HHAT: variants seen among roughly 807,000 people sequenced by gnomAD.
HHAT encodes the protein protein-cysteine N-palmitoyltransferase HHAT.
A neutral mutation model predicts 70.8 loss-of-function variants in HHAT; 47 were observed. The observed-to-expected ratio is 0.66, with a 90% confidence interval of 0.53 to 0.85. The LOEUF (loss-of-function observed/expected upper bound fraction) is 0.85, where lower values mean the gene tolerates loss of function less well. Among genes scored for constraint, HHAT ranks in the 40% least tolerant of loss-of-function variants. The pLI is 0.00. For missense variants in HHAT, 609 were observed against 604.8 expected (o/e 1.01, Z -0.07); for synonymous variants, 228 against 247.6 (o/e 0.92, Z 0.74).
At chr1:210,508,242 T>C (rs2148568326) in intron 8 of HHAT, among the ~76,000 whole-genome samples, 2 of 141,288 alleles carry the variant, frequency 1.4e-5, no homozygotes, top group South Asian at 4.6e-4. Flanking sequence ...TCGTACCCCA[T>C]AAATACATAC....
At chr1:210,538,538 A>G (rs557939785) in intron 9 of HHAT, among the ~76,000 whole-genome samples, 2 of 152,346 alleles carry the variant, frequency 1.3e-5, no homozygotes, top group South Asian at 4.1e-4. Context: ...ATGCAATCAC[A>G]TAATTAAAGT....
intron 7 of HHAT, among the ~76,000 whole-genome samples, chr1:210,442,165 A>T (rs2093529531): frequency 6.9e-6 from 1 of 145,138 alleles, no homozygotes; most frequent in African/African-American, 2.5e-5. Context: ...CCATGTCCCT[A>T]CAAAGGACAT....
Position 210,595,285 on chromosome 1 carries a change from G to A in HHAT, c.1245+7186G>A, listed in dbSNP as rs541695560. Among the ~76,000 whole-genome samples, 6 of 152,272 alleles carry A rather than the reference G, an allele frequency of 3.9e-5. No individual in the cohort carries two copies. The East Asian group carries it at 1.2e-3, about 29-fold the overall frequency. On this transcript the variant is annotated intron_variant, in intron 10 of 11. Transcript: ENST00000261458. The stretch of plus-strand genomic sequence containing the variant: ...CCAGCTTCATCCATGTCCCTACAAA[G>A]GACATGAACTCATCATTTTTTATGG...
intron 8 of HHAT, among the ~76,000 whole-genome samples, chr1:210,475,867 AAAAAAAATCCCT>A (rs2094297986): frequency 6.6e-6 from 1 of 151,854 alleles, no homozygotes; most frequent in African/African-American, 2.4e-5. Context: ...GTTTTAGTTA[AAAAAAAATCCCT>A]GTTAGGATTA....
intron 10 of HHAT, among the ~76,000 whole-genome samples, chr1:210,622,845 T>C (rs111316910): frequency 0.013 from 2,048 of 152,292 alleles, 19 homozygotes; most frequent in Non-Finnish European, 0.019. Flanking sequence ...CCTAATTCCA[T>C]GGAGCTATAT....
chr1:210,504,605 C>T lies in HHAT; in HGVS notation c.1008-8548C>T, dbSNP rs531757760. 2.0e-5 allele frequency among the ~76,000 whole-genome samples: 3 copies of T among 152,308 alleles called. No individual in the cohort carries two copies. In the South Asian group the frequency reaches 6.2e-4, roughly 32 times the overall value. On this transcript the variant is annotated intron_variant, in intron 8 of 11. Coordinates refer to ENST00000261458, the MANE Select transcript of HHAT (RefSeq NM_018194.6). ...TGGTGCCTTCTCACCTTTCCTTCAG[C>T]AGTGTGAAATGCCCAGATCTCAAGC...
intron 4 of HHAT, among the ~76,000 whole-genome samples, chr1:210,387,956 AAAGTC>A (rs57774547): frequency 0.011 from 1,687 of 152,362 alleles, 21 homozygotes; most frequent in African/African-American, 0.033. Context: ...GAATAATTTT[AAAGTC>A]AAGTAGTTTA....
In HHAT at chr1:210,675,289, T is replaced by G. The variant is rs778089079; in HGVS notation, c.*910T>G. On this transcript the variant is annotated 3_prime_UTR_variant, in exon 12 of 12. Coordinates refer to ENST00000261458, the MANE Select transcript of HHAT (RefSeq NM_018194.6). ...TTAAGGTTTGATTCAAACAGAGCCTTTTCTGTCCTGTAGATAATCTACATG... is the reference window on the plus strand; with the variant it reads ...TTAAGGTTTGATTCAAACAGAGCCTGTTCTGTCCTGTAGATAATCTACATG... 1 of 152,192 alleles carries G rather than the reference T, an allele frequency of 6.6e-6. No homozygotes were observed. The highest frequency in any genetic ancestry group is 1.5e-5 in the Non-Finnish European group (1 of 68,024). The allele number at this position is 152,192 out of a possible 1,614,324, so 9.4% of individuals were successfully genotyped here.
At chr1:210,653,265 G>C (rs533389286) in intron 11 of HHAT, among the ~76,000 whole-genome samples, 2 of 152,298 alleles carry the variant, frequency 1.3e-5, no homozygotes, top group East Asian at 3.9e-4. Context: ...ACTACCAGCT[G>C]GGTGCAGTGG....
chr1:210,425,118 T>C (rs1176074883), intron 7 of HHAT, among the ~76,000 whole-genome samples: 1 of 152,160 alleles, frequency 6.6e-6, no homozygotes, highest in African/African-American at 2.4e-5. Flanking sequence ...AGCTTTTTTT[T>C]CCCCACATGA....
At chr1:210,665,793 T>G (rs1678764327) in intron 11 of HHAT, among the ~76,000 whole-genome samples, 1 of 152,216 alleles carries the variant, frequency 6.6e-6, no homozygotes, top group Non-Finnish European at 1.5e-5. Context: ...AGAATATCAC[T>G]ATTGGATTGA....
At chr1:210,350,228 A>G (rs1454318959) in intron 2 of HHAT, among the ~76,000 whole-genome samples, 8 of 152,224 alleles carry the variant, frequency 5.3e-5, no homozygotes, top group African/African-American at 1.9e-4. Context: ...TAGCAGCTTT[A>G]TTCATAATTG....
intron 9 of HHAT, among the ~76,000 whole-genome samples, chr1:210,551,513 G>A (rs2095527580): frequency 7.6e-6 from 1 of 131,582 alleles, no homozygotes; most frequent in Non-Finnish European, 1.5e-5. Context: ...CAGAGACCAG[G>A]CAACAATGAC....
chr1:210,453,862 G>A (rs1185180893), intron 7 of HHAT, among the ~76,000 whole-genome samples: 2 of 152,158 alleles, frequency 1.3e-5, no homozygotes, highest in Non-Finnish European at 2.9e-5. Flanking sequence ...GACTGTATTA[G>A]TTTGTTTTCA....
chr1:210,356,613 T>C (rs1018171637), intron 2 of HHAT, among the ~76,000 whole-genome samples: 2 of 152,252 alleles, frequency 1.3e-5, no homozygotes, highest in African/African-American at 2.4e-5. Flanking sequence ...TTTATTTCTT[T>C]ATAAACCTGT....
chr1:210,603,678 G>A (rs1664762263), intron 10 of HHAT, among the ~76,000 whole-genome samples: 1 of 152,168 alleles, frequency 6.6e-6, no homozygotes, highest in Non-Finnish European at 1.5e-5. Context: ...GACTATATGT[G>A]TGCAACGTGT....
At chr1:210,503,239 C>A (rs866894689) in intron 8 of HHAT, among the ~76,000 whole-genome samples, 4 of 152,162 alleles carry the variant, frequency 2.6e-5, no homozygotes, top group Admixed American at 6.5e-5. Flanking sequence ...GGATTACAGG[C>A]ATGAGCCACT....
At chr1:210,524,897 A>G (rs2095222641) in intron 9 of HHAT, among the ~76,000 whole-genome samples, 1 of 152,046 alleles carries the variant, frequency 6.6e-6, no homozygotes, top group African/African-American at 2.4e-5. Context: ...GGTGTGTTCT[A>G]AAATATGTAA....
intron 7 of HHAT, among the ~76,000 whole-genome samples, chr1:210,428,966 G>A (rs1190862183): frequency 1.3e-5 from 2 of 151,808 alleles, no homozygotes; most frequent in Admixed American, 1.3e-4. Flanking sequence ...GCAACAGAGT[G>A]AGACTCTGTC....
Sources: allele counts gnomAD v4.1 joint callset (sites outside exome capture counted in the v4.1 genomes callset), GRCh38; gene constraint gnomAD v4.1.1; transcripts MANE v1.5; gene names NCBI Gene and HGNC (gene_info 2026-07-23, HGNC 2026-07-21).